Variants in TLE1 observed in about 807,000 individuals in gnomAD.
TLE1 encodes the protein TLE family member 1, transcriptional corepressor.
TLE1 carries 21 observed loss-of-function variants against 89.8 expected under a neutral mutation model. That is an observed-to-expected ratio of 0.23 (90% CI 0.17 to 0.34). The LOEUF is 0.34. Among genes scored for constraint, TLE1 ranks in the 10% least tolerant of loss-of-function variants. The pLI is 1.00. For missense variants in TLE1, 795 were observed against 1,031.2 expected, an observed-to-expected ratio of 0.77 and a Z score of 3.14; for synonymous variants, 447 against 407.6, an observed-to-expected ratio of 1.10 and a Z score of -1.16.
intron 11 of TLE1, among the ~76,000 whole-genome samples, chr9:81,614,834 TG>T (rs1236506996): frequency 1.3e-5 from 2 of 151,498 alleles, no homozygotes; most frequent in African/African-American, 4.8e-5. Context: ...CTCTATGACA[TG>T]CCCCGATATT....
chr9:81,610,144 T>C (rs1823511044), intron 14 of TLE1, 76 bp downstream of exon 14: 1 of 1,334,086 alleles, frequency 7.5e-7, no homozygotes, highest in Admixed American at 1.9e-5. Context: ...TGTACTCCCT[T>C]TGGAATTCTA....
chr9:81,586,386 G>A (rs138721625), intron 17 of TLE1, among the ~76,000 whole-genome samples: 79 of 152,252 alleles, frequency 5.2e-4, no homozygotes, highest in Admixed American at 7.8e-4. Flanking sequence ...GGAGCCTATC[G>A]CTTGTAGGCT....
At chr9:81,654,127 C>G in intron 4 of TLE1, 91 bp from the exon 5 acceptor site, 1 of 1,146,068 alleles carries the variant, frequency 8.7e-7, no homozygotes, top group East Asian at 2.4e-5. Context: ...CAGTCCTCCT[C>G]TCCCTTGCTC....
intron 4 of TLE1, among the ~76,000 whole-genome samples, chr9:81,654,570 T>C (rs1053230291): frequency 5.9e-5 from 9 of 152,188 alleles, no homozygotes; most frequent in African/African-American, 2.2e-4. Context: ...CTCGATCTCC[T>C]GACCTCGTGA....
At chr9:81,625,213 A>T (rs557882448) in intron 8 of TLE1, among the ~76,000 whole-genome samples, 12 of 152,212 alleles carry the variant, frequency 7.9e-5, no homozygotes, top group Non-Finnish European at 1.6e-4. Context: ...AGAACACCAG[A>T]TCTCAAGAGG....
At chr9:81,626,556 A>G (rs112123862) in intron 8 of TLE1, among the ~76,000 whole-genome samples, 4 of 152,348 alleles carry the variant, frequency 2.6e-5, no homozygotes, top group South Asian at 4.1e-4. Flanking sequence ...CAACCATATC[A>G]TATCTCAGAA....
In TLE1 at chr9:81,688,350, G is replaced by A. The variant is rs1029515803; in HGVS notation, c.-110C>T. 105 of 1,251,728 alleles carry A rather than the reference G, an allele frequency of 8.4e-5. No individual in the cohort carries two copies. The African/African-American group carries it at 1.5e-3, about 18-fold the overall frequency. The allele number at this position is 1,251,728 out of a possible 1,614,324, so 77.5% of individuals were successfully genotyped here. On this transcript the variant is annotated 5_prime_UTR_variant, in exon 1 of 20. Transcript: ENST00000376499. Reference sequence around the variant, plus strand: ...AGCCGGAAAGCCAAGCAGAAGCGGGGAGCGCGCTGGCCACGCACGCGCGCT... The same window carrying A: ...AGCCGGAAAGCCAAGCAGAAGCGGGAAGCGCGCTGGCCACGCACGCGCGCT...
chr9:81,626,485 TA>T (rs1433285728), intron 8 of TLE1, among the ~76,000 whole-genome samples: 1 of 152,058 alleles, frequency 6.6e-6, no homozygotes, highest in African/African-American at 2.4e-5. Flanking sequence ...TTTTAACCCA[TA>T]AAACTAATGA....
chr9:81,625,965 C>A lies in TLE1; in HGVS notation c.595-5408G>T, dbSNP rs778517203. On this transcript the variant is annotated intron_variant, in intron 8 of 19. Coordinates refer to ENST00000376499, the MANE Select transcript of TLE1 (RefSeq NM_005077.5). ...TTAATAAAATGCTGCCCTGTCAATG[C>A]TATCAAACACTAGTTACAGAGGCCT... Among the ~76,000 whole-genome samples the A allele has an allele frequency of 2.3e-4, 32 of 140,510 alleles. 1 individual carries two copies. Among genetic ancestry groups the A allele is most frequent in the Non-Finnish European group, 4.2e-4 (28 of 66,216 alleles). 92.2% of individuals were successfully genotyped at this position (140,510 alleles called of 152,430 possible).
chr9:81,677,738 TG>T (rs1485206690), intron 4 of TLE1, among the ~76,000 whole-genome samples: 1 of 152,106 alleles, frequency 6.6e-6, no homozygotes, highest in Non-Finnish European at 1.5e-5. Context: ...TTTGACAAAC[TG>T]CAAGATTTGG....
At chr9:81,601,639 C>T (rs1354409646) in intron 14 of TLE1, among the ~76,000 whole-genome samples, 3 of 151,562 alleles carry the variant, frequency 2.0e-5, no homozygotes, top group Non-Finnish European at 4.4e-5. Context: ...TTTGGAATTT[C>T]TCTTACCAAT....
chr9:81,637,010 AAAAAAAG>A lies in TLE1; in HGVS notation c.373-2716_373-2710del, dbSNP rs1275160330. On this transcript the variant is annotated intron_variant, in intron 6 of 19. Transcript: ENST00000376499. ...AGAGGGAGACTCCGTCTCAAAAAAA[AAAAAAAG>A]AAAAAAGAAAAAAAAAGATTTCCCC... is the stretch of plus-strand genomic sequence containing the variant. Among the ~76,000 whole-genome samples the A allele has an allele frequency of 8.9e-3, 1,346 of 151,728 alleles. 15 individuals carry two copies. The highest frequency in any genetic ancestry group is 0.03 in the African/African-American group (1,252 of 41,228).
chr9:81,620,043 C>G (rs1825030291), intron 9 of TLE1, among the ~76,000 whole-genome samples: 1 of 152,046 alleles, frequency 6.6e-6, no homozygotes, highest in Non-Finnish European at 1.5e-5. Context: ...ACTAAATTCA[C>G]AGAGTCCAGG....
At chr9:81,636,770 C>G (rs1827418305) in intron 6 of TLE1, among the ~76,000 whole-genome samples, 1 of 152,094 alleles carries the variant, frequency 6.6e-6, no homozygotes, top group Non-Finnish European at 1.5e-5. Context: ...TTTGGGGGCC[C>G]AAGGCAAGTG....
chr9:81,611,748 GC>G lies in TLE1; in HGVS notation c.1254+20del. 1 of 1,491,854 alleles carries G rather than the reference GC, an allele frequency of 6.7e-7. No individual in the cohort carries two copies. The highest frequency in any genetic ancestry group is 8.9e-7 in the Non-Finnish European group (1 of 1,128,606). 92.4% of individuals were successfully genotyped at this position (1,491,854 alleles called of 1,614,324 possible). On this transcript the variant is annotated intron_variant, in intron 13 of 19. Coordinates refer to ENST00000376499, the MANE Select transcript of TLE1 (RefSeq NM_005077.5). ...ATGCAGCGTTCCTACCCCAACCACA[GC>G]CCACCCGACAGCGGCCTACCATGGG...
At chr9:81,606,841 T>G (rs1192876051) in intron 14 of TLE1, among the ~76,000 whole-genome samples, 2 of 151,804 alleles carry the variant, frequency 1.3e-5, no homozygotes, top group Non-Finnish European at 2.9e-5. Context: ...ACCCAGATCC[T>G]GGCAACAATG....
At chr9:81,671,675 T>G (rs1422492637) in intron 4 of TLE1, among the ~76,000 whole-genome samples, 1 of 151,964 alleles carries the variant, frequency 6.6e-6, no homozygotes, top group Admixed American at 6.6e-5. Context: ...ATCTATATAC[T>G]CAGAAAAATC....
chr9:81,605,050 C>T (rs1158392902), intron 14 of TLE1, among the ~76,000 whole-genome samples: 2 of 152,210 alleles, frequency 1.3e-5, no homozygotes, highest in Admixed American at 1.3e-4. Context: ...CTGGAGCATG[C>T]CTGGCATCGC....
chr9:81,619,063 T>C (rs936187740), intron 9 of TLE1, among the ~76,000 whole-genome samples: 2 of 152,192 alleles, frequency 1.3e-5, no homozygotes, highest in African/African-American at 4.8e-5. Context: ...TAACTTACTA[T>C]ACACAACAGC....
Sources: gnomAD v4.1 joint callset for allele counts (sites outside exome capture counted in the v4.1 genomes callset) on GRCh38, gnomAD v4.1.1 for gene constraint, MANE v1.5 for transcripts, NCBI Gene and HGNC (gene_info 2026-07-23, HGNC 2026-07-21) for gene names.